The following AP2B1 variants were observed in gnomAD, a reference collection of about 807,000 sequenced individuals.
The protein encoded by AP2B1 is adaptor related protein complex 2 subunit beta 1.
AP2B1 carries 23 observed loss-of-function variants against 102.0 expected under a neutral mutation model. The observed-to-expected ratio is 0.23, with a 90% CI of 0.16 to 0.32. The LOEUF is 0.32. Ranked by LOEUF, AP2B1 falls within the 10% of genes least tolerant of loss-of-function variation. The pLI is 1.00. For missense variants in AP2B1, 541 were observed against 1,157.4 expected, an observed-to-expected ratio of 0.47 and a Z score of 7.73; for synonymous variants, 381 against 421.2, an observed-to-expected ratio of 0.90 and a Z score of 1.17.
At chr17:35,685,122 G>C (rs2075903875) in intron 18 of AP2B1, among the ~76,000 whole-genome samples, 1 of 152,122 alleles carries the variant, frequency 6.6e-6, no homozygotes. Context: ...GTTAACTACT[G>C]ATTTTTCAAG....
chr17:35,679,624 G>A (rs2075774889), intron 17 of AP2B1, among the ~76,000 whole-genome samples: 1 of 151,874 alleles, frequency 6.6e-6, no homozygotes, highest in African/African-American at 2.4e-5. Flanking sequence ...AGCTTTATAG[G>A]GACTTTTTCC....
intron 5 of AP2B1, among the ~76,000 whole-genome samples, chr17:35,617,720 A>G (rs2074064034): frequency 1.3e-5 from 2 of 152,210 alleles, no homozygotes; most frequent in African/African-American, 4.8e-5. Flanking sequence ...AGATGACCTC[A>G]AGGCTGTAAT....
chr17:35,625,841 C>T (rs746624956), intron 6 of AP2B1, among the ~76,000 whole-genome samples: 6 of 151,958 alleles, frequency 3.9e-5, no homozygotes, highest in Non-Finnish European at 7.4e-5. Context: ...TATAAAGACC[C>T]AAAGGAAGTC....
chr17:35,658,496 G>A (rs1380860691), intron 14 of AP2B1, among the ~76,000 whole-genome samples: 1 of 152,030 alleles, frequency 6.6e-6, no homozygotes, highest in African/African-American at 2.4e-5. Context: ...TTCTGTACAA[G>A]ATAAATGAAT....
At chr17:35,591,021 A>G (rs1175871075) in intron 1 of AP2B1, among the ~76,000 whole-genome samples, 1 of 151,986 alleles carries the variant, frequency 6.6e-6, no homozygotes, top group African/African-American at 2.4e-5. Flanking sequence ...CTAAAATACA[A>G]AAATTAGCTG....
intron 18 of AP2B1, among the ~76,000 whole-genome samples, chr17:35,688,341 C>T (rs912039397): frequency 6.6e-6 from 1 of 152,124 alleles, no homozygotes; most frequent in Admixed American, 6.5e-5. Flanking sequence ...AATCAGAAGC[C>T]GTTCTGATTC....
intron 21 of AP2B1, among the ~76,000 whole-genome samples, chr17:35,720,838 C>T (rs116565998): frequency 0.014 from 2,133 of 151,568 alleles, 54 homozygotes; most frequent in African/African-American, 0.045. Flanking sequence ...CCATCTAAAT[C>T]TCCCATCATA....
At chr17:35,691,357 T>G (rs587735807) in intron 18 of AP2B1, among the ~76,000 whole-genome samples, 39 of 152,328 alleles carry the variant, frequency 2.6e-4, no homozygotes, top group African/African-American at 8.9e-4. Flanking sequence ...TTTCATGTCT[T>G]GCATATGTCC....
intron 3 of AP2B1, among the ~76,000 whole-genome samples, chr17:35,599,978 A>G (rs780045659): frequency 6.6e-6 from 1 of 152,222 alleles, no homozygotes; most frequent in Non-Finnish European, 1.5e-5. Flanking sequence ...AAGTACAAAA[A>G]GTTTATCGAT....
intron 12 of AP2B1, among the ~76,000 whole-genome samples, chr17:35,648,540 A>G (rs1467190342): frequency 6.6e-6 from 1 of 151,870 alleles, no homozygotes; most frequent in Non-Finnish European, 1.5e-5. Context: ...ATACATACAT[A>G]CATACATACA....
At chr17:35,641,804 C>T in intron 11 of AP2B1, 73 bp from the exon 12 acceptor site, 1 of 1,162,672 alleles carries the variant, frequency 8.6e-7, no homozygotes, top group Admixed American at 2.0e-5. Context: ...TGGGGAAACA[C>T]CACTTTGGAG....
intron 11 of AP2B1, among the ~76,000 whole-genome samples, chr17:35,641,182 C>T (rs1449491689): frequency 6.6e-6 from 1 of 152,144 alleles, no homozygotes; most frequent in African/African-American, 2.4e-5. Flanking sequence ...ACAGATGATT[C>T]CATAATTCCC....
intron 18 of AP2B1, among the ~76,000 whole-genome samples, chr17:35,694,910 C>G (rs147123543): frequency 7.2e-4 from 109 of 151,688 alleles, no homozygotes; most frequent in African/African-American, 2.5e-3. Context: ...AAAACAAAAA[C>G]CCAGTAAGCC....
At chr17:35,721,596 C>A (rs1277034317) in intron 21 of AP2B1, among the ~76,000 whole-genome samples, 1 of 152,186 alleles carries the variant, frequency 6.6e-6, no homozygotes, top group African/African-American at 2.4e-5. Context: ...CAAAGACCAG[C>A]GGTAATGCCC....
chr17:35,721,935 G>A (rs2085405085), intron 21 of AP2B1, among the ~76,000 whole-genome samples: 1 of 152,168 alleles, frequency 6.6e-6, no homozygotes, highest in Non-Finnish European at 1.5e-5. Flanking sequence ...AGGCTGTAGA[G>A]AAGGAGGTAC....
chr17:35,625,665 A>G (rs913734012), intron 6 of AP2B1, among the ~76,000 whole-genome samples: 1 of 151,444 alleles, frequency 6.6e-6, no homozygotes, highest in Non-Finnish European at 1.5e-5. Flanking sequence ...TATAATATAT[A>G]ATATGTATAG....
At chr17:35,627,895 A>G (rs1020464573) in intron 9 of AP2B1, among the ~76,000 whole-genome samples, 169 bp downstream of exon 9, 19 of 152,192 alleles carry the variant, frequency 1.2e-4, no homozygotes, top group African/African-American at 4.6e-4. Context: ...TTCCCTACCT[A>G]GACTTTCTTC....
At chr17:35,643,785 G>T (rs2074851518) in intron 12 of AP2B1, among the ~76,000 whole-genome samples, 1 of 152,204 alleles carries the variant, frequency 6.6e-6, no homozygotes, top group Admixed American at 6.5e-5. Context: ...ATTTGGATCT[G>T]TTGTTAGCTT....
At position 35,636,419 on chromosome 17, in the gene AP2B1, G is replaced by T; in HGVS notation, c.1234G>T (p.Val412Phe). 6.2e-7 allele frequency: 1 copy of T among 1,614,018 alleles called. No individual in the cohort carries two copies. The highest frequency in any genetic ancestry group is 8.5e-7 in the Non-Finnish European group (1 of 1,179,922). Reference protein sequence around the residue: ...KVNYVVQEAIVVIRDIFRKYP... With the variant: ...KVNYVVQEAIFVIRDIFRKYP... ...GAATTATGTGGTCCAAGAAGCAATT[G>T]TTGTCATCAGGGACATCTTCCGCAA... The change falls in exon 10 of 22, where the codon GTT (valine) becomes TTT (phenylalanine). Residue 412 changes from valine (V) to phenylalanine (F), a missense_variant. Coordinates refer to ENST00000610402, the MANE Select transcript of AP2B1 (RefSeq NM_001030006.2).
Sources: gnomAD v4.1 joint callset for allele counts (sites outside exome capture counted in the v4.1 genomes callset) on GRCh38, gnomAD v4.1.1 for gene constraint, MANE v1.5 for transcripts, NCBI Gene and HGNC (gene_info 2026-07-23, HGNC 2026-07-21) for gene names.